Variants in CFAP299 observed in about 807,000 individuals in gnomAD.
The protein encoded by CFAP299 is cilia- and flagella-associated protein 299.
CFAP299 carries 21 observed loss-of-function variants against 27.0 expected under a neutral mutation model. That is an observed-to-expected ratio of 0.78 (90% CI 0.55 to 1.12). CFAP299 has a LOEUF of 1.12. Among genes scored for constraint, CFAP299 ranks in the 50% most tolerant of loss-of-function variants. The pLI is 0.00. For synonymous variants in CFAP299, 104 were observed against 98.1 expected (o/e 1.06, Z -0.36); for missense variants, 310 against 276.6 (o/e 1.12, Z -0.86).
intron 2 of CFAP299, among the ~76,000 whole-genome samples, chr4:80,551,684 A>C (rs1180778686): frequency 2.0e-5 from 3 of 151,926 alleles, no homozygotes; most frequent in Non-Finnish European, 4.4e-5. Flanking sequence ...ATTGGAGCTG[A>C]GATTTCTTCA....
At chr4:80,416,018 T>C (rs1179725307) in intron 2 of CFAP299, among the ~76,000 whole-genome samples, 1 of 152,202 alleles carries the variant, frequency 6.6e-6, no homozygotes. Context: ...GCGGGCATAA[T>C]TTCTGCTGAA....
intron 3 of CFAP299, among the ~76,000 whole-genome samples, chr4:80,640,787 G>T (rs915171586): frequency 2.6e-5 from 4 of 152,088 alleles, no homozygotes; most frequent in Non-Finnish European, 5.9e-5. Flanking sequence ...GTCTCAGAGG[G>T]TTATTCAAGA....
At chr4:80,361,363 T>TC (rs1723538519) in intron 1 of CFAP299, among the ~76,000 whole-genome samples, 1 of 152,136 alleles carries the variant, frequency 6.6e-6, no homozygotes, top group Admixed American at 6.5e-5. Context: ...TACAGAAGAG[T>TC]CCCACAACCT....
chr4:80,325,315 T>A, the CFAP299 span, among the ~76,000 whole-genome samples: 1 of 152,362 alleles, frequency 6.6e-6, no homozygotes, highest in East Asian at 1.9e-4. Context: ...TTGAAATCAA[T>A]GTATTTGTGT....
At chr4:80,685,482 G>A (rs1449256561) in intron 3 of CFAP299, among the ~76,000 whole-genome samples, 1 of 151,956 alleles carries the variant, frequency 6.6e-6, no homozygotes, top group East Asian at 1.9e-4. Context: ...TAATGCTGTT[G>A]GATAGGTTCT....
At chr4:80,862,207 T>C (rs1183095931) in intron 3 of CFAP299, among the ~76,000 whole-genome samples, 3 of 151,944 alleles carry the variant, frequency 2.0e-5, no homozygotes, top group Non-Finnish European at 4.4e-5. Context: ...CCATCTCTAC[T>C]AAAAATACAA....
At chr4:80,810,493 C>T (rs1267798306) in intron 3 of CFAP299, among the ~76,000 whole-genome samples, 2 of 151,890 alleles carry the variant, frequency 1.3e-5, no homozygotes, top group Non-Finnish European at 2.9e-5. Context: ...TACAGTAGCC[C>T]TACATCAATT....
At chr4:80,935,415 G>A (rs1025693762) in intron 4 of CFAP299, among the ~76,000 whole-genome samples, 2 of 151,988 alleles carry the variant, frequency 1.3e-5, no homozygotes, top group Non-Finnish European at 1.5e-5. Context: ...GCCACACACT[G>A]TGACTATCTT....
At chr4:80,679,684 A>AT (rs1233787309) in intron 3 of CFAP299, among the ~76,000 whole-genome samples, 1 of 150,300 alleles carries the variant, frequency 6.7e-6, no homozygotes, top group African/African-American at 2.4e-5. Flanking sequence ...TTGTAAAAAA[A>AT]TTTTCAAGTT....
intron 2 of CFAP299, among the ~76,000 whole-genome samples, chr4:80,412,232 G>A (rs1726755811): frequency 6.7e-6 from 1 of 149,474 alleles, no homozygotes; most frequent in Admixed American, 6.7e-5. Flanking sequence ...CCAAGCTTCT[G>A]CACTTCATTT....
the CFAP299 span, among the ~76,000 whole-genome samples, chr4:80,329,914 TG>T: frequency 1.2e-4 from 19 of 152,312 alleles, no homozygotes; most frequent in Middle Eastern, 3.4e-3. Context: ...ACCTCATCTC[TG>T]GGGTTTTAAC....
intron 4 of CFAP299, among the ~76,000 whole-genome samples, chr4:80,904,409 T>G (rs917333848): frequency 6.6e-6 from 1 of 152,178 alleles, no homozygotes; most frequent in Non-Finnish European, 1.5e-5. Flanking sequence ...CTAGTCAGAT[T>G]GGCAGTTGGG....
At chr4:80,369,123 G>A (rs1578363248) in intron 2 of CFAP299, among the ~76,000 whole-genome samples, 1 of 152,172 alleles carries the variant, frequency 6.6e-6, no homozygotes, top group East Asian at 1.9e-4. Context: ...CATTGGCTGG[G>A]GACCACTAAG....
chr4:80,633,116 T>C (rs1162434015), intron 3 of CFAP299, among the ~76,000 whole-genome samples: 1 of 152,184 alleles, frequency 6.6e-6, no homozygotes, highest in Admixed American at 6.6e-5. Context: ...GAGAAACATA[T>C]ACATCATATA....
intron 2 of CFAP299, among the ~76,000 whole-genome samples, chr4:80,537,013 CAT>C (rs1195819466): frequency 6.6e-6 from 1 of 151,932 alleles, no homozygotes; most frequent in Non-Finnish European, 1.5e-5. Context: ...GGAAAGGAAA[CAT>C]ATAACCTGGT....
intron 2 of CFAP299, among the ~76,000 whole-genome samples, chr4:80,406,728 A>C (rs1435484159): frequency 1.3e-5 from 2 of 152,220 alleles, no homozygotes; most frequent in Non-Finnish European, 2.9e-5. Context: ...AAAAAATTTC[A>C]AAGTCCAATA....
chr4:80,573,539 G>T (rs1333561503), intron 2 of CFAP299, among the ~76,000 whole-genome samples: 1 of 152,098 alleles, frequency 6.6e-6, no homozygotes, highest in East Asian at 1.9e-4. Flanking sequence ...TCTTTGCCCA[G>T]ATCAATGTCC....
intron 3 of CFAP299, among the ~76,000 whole-genome samples, chr4:80,646,988 A>AGTGTGTGT (rs1187314742): frequency 2.9e-4 from 9 of 31,116 alleles, no homozygotes; most frequent in African/African-American, 5.3e-4. Context: ...AGAGAGAGAG[A>AGTGTGTGT]GTGTGTGTGT....
chr4:80,648,268 T>C (rs974185037), intron 3 of CFAP299, among the ~76,000 whole-genome samples: 2 of 152,164 alleles, frequency 1.3e-5, no homozygotes, highest in African/African-American at 2.4e-5. Context: ...AATTTATAAA[T>C]GACACATTGG....
Sources: allele counts gnomAD v4.1 joint callset (sites outside exome capture counted in the v4.1 genomes callset), GRCh38; gene constraint gnomAD v4.1.1; transcripts MANE v1.5; gene names NCBI Gene and HGNC (gene_info 2026-07-23, HGNC 2026-07-21).